STX1B: variants seen among roughly 807,000 people sequenced by gnomAD.
The protein encoded by STX1B is syntaxin 1B, also known as syntaxin-1B.
Under a neutral mutation model 39.4 loss-of-function variants are expected in STX1B, and 7 were observed. The ratio of observed to expected loss-of-function variants is 0.18; its 90% CI spans 0.10 to 0.33. The LOEUF (loss-of-function observed/expected upper bound fraction) is 0.33. STX1B is among the 10% of genes least tolerant of loss of function. STX1B has a pLI of 1.00. For missense variants in STX1B, 198 were observed against 383.2 expected (o/e 0.52, Z 4.04); for synonymous variants, 136 against 144.1 (o/e 0.94, Z 0.40).
chr16:31,008,942 C>A (rs551036694), intron 1 of STX1B, among the ~76,000 whole-genome samples: 1 of 152,122 alleles, frequency 6.6e-6, no homozygotes, highest in African/African-American at 2.4e-5. Context: ...AGTGAATATG[C>A]ATAAAACACT....
rs1168104974 is a variant in STX1B at position 30,990,947 on chromosome 16, C to G, written c.*1874G>C. The G allele has an allele frequency of 6.6e-6, 1 of 152,250 alleles. No homozygotes were observed. The highest frequency in any genetic ancestry group is 6.5e-5 in the Admixed American group (1 of 15,292). The allele number at this position is 152,250 out of a possible 1,614,324, so 9.4% of individuals were successfully genotyped here. A position where few individuals can be genotyped will look rare whatever the true frequency, so the allele number is the denominator to read the frequency against. ...CCCTGAGTGGCCACTGCCACACTGG[C>G]CACTCCAGTACTTCTGAAATAGACA... On this transcript the variant is annotated 3_prime_UTR_variant, in exon 10 of 10. Coordinates refer to ENST00000215095, the MANE Select transcript of STX1B (RefSeq NM_052874.5).
intron 1 of STX1B, among the ~76,000 whole-genome samples, chr16:31,006,218 C>T (rs2056654410): frequency 6.6e-6 from 1 of 152,088 alleles, no homozygotes; most frequent in Non-Finnish European, 1.5e-5. Flanking sequence ...GAGGCAGCAG[C>T]CTCCCCCTGC....
intron 1 of STX1B, among the ~76,000 whole-genome samples, chr16:31,007,418 C>CT (rs1441494120): frequency 1.3e-5 from 2 of 152,186 alleles, no homozygotes; most frequent in African/African-American, 4.8e-5. Context: ...TGTGCCCCTC[C>CT]TGTCTTCTCC....
chr16:30,995,146 A>C (rs1249822894), intron 7 of STX1B, among the ~76,000 whole-genome samples: 3 of 152,022 alleles, frequency 2.0e-5, no homozygotes, highest in Non-Finnish European at 4.4e-5. Context: ...AATCAAAAAA[A>C]CATTTTTTTT....
chr16:30,995,148 AT>A (rs1035428910), intron 7 of STX1B, among the ~76,000 whole-genome samples: 1 of 151,782 alleles, frequency 6.6e-6, no homozygotes, highest in African/African-American at 2.4e-5. Flanking sequence ...TCAAAAAAAC[AT>A]TTTTTTTGTA....
Position 31,000,949 on chromosome 16 carries a change from T to G in STX1B, c.259A>C (p.Lys87Gln). Reference sequence around the variant, plus strand: ...TCACCTTTCAATTTGGACCGAACCTTGTTGGCCGTCTTCTTGATGTCTGCA... The same window carrying G: ...TCACCTTTCAATTTGGACCGAACCTGGTTGGCCGTCTTCTTGATGTCTGCA... ...LTADIKKTAN[K>Q]VRSKLKAIEQ... The change falls in exon 4 of 10, where the codon AAG becomes CAG. Residue 87 changes from lysine (K) to glutamine (Q), a missense_variant. Lys to Gln is a moderately conservative substitution (Grantham distance 53, BLOSUM62 1). Coordinates refer to ENST00000215095, the MANE Select transcript of STX1B (RefSeq NM_052874.5). The G allele has an allele frequency of 6.2e-7, 1 of 1,614,130 alleles. No homozygotes were observed. The highest frequency in any genetic ancestry group is 8.5e-7 in the Non-Finnish European group (1 of 1,180,012).
chr16:31,000,424 C>T (rs2056620842), intron 4 of STX1B, among the ~76,000 whole-genome samples: 1 of 151,452 alleles, frequency 6.6e-6, no homozygotes, highest in African/African-American at 2.4e-5. Flanking sequence ...CCTCGACCCC[C>T]TGGGCTCAAG....
Position 30,996,342 on chromosome 16 carries a change from C to T in STX1B, c.537+341G>A, listed in dbSNP as rs2056591910. The stretch of plus-strand genomic sequence containing the variant: ...ACTAGACAGGATTCAAGTCCTGGCC[C>T]TCTCCCTCGCTCTGAGATCTTGCCA... On this transcript the variant is annotated intron_variant, in intron 7 of 9. Transcript: ENST00000215095. The T allele has an allele frequency of 1.3e-5, 3 of 233,426 alleles. No homozygotes were observed. The South Asian group carries it at 2.2e-4, about 17-fold the overall frequency. The allele number at this position is 233,426 out of a possible 1,614,324, so 14.5% of individuals were successfully genotyped here.
intron 4 of STX1B, among the ~76,000 whole-genome samples, chr16:30,999,862 A>G (rs4889606): frequency 0.35 from 53,797 of 152,030 alleles, 10,925 homozygotes; most frequent in East Asian, 0.89. Context: ...ATTTCCTATC[A>G]TATATCTTTC....
chr16:30,999,026 G>GA (rs963206788), intron 4 of STX1B, among the ~76,000 whole-genome samples: 29 of 151,866 alleles, frequency 1.9e-4, no homozygotes, highest in African/African-American at 5.5e-4. Context: ...TATGACTTTG[G>GA]AAAAAAAAGT....
In STX1B at chr16:30,991,900, T is replaced by G. The variant is rs1596713356; in HGVS notation, c.*921A>C. The G allele has an allele frequency of 6.6e-6, 1 of 151,220 alleles. No homozygotes were observed. Among genetic ancestry groups the G allele is most frequent in the South Asian group, 2.1e-4 (1 of 4,794 alleles). 9.4% of individuals were successfully genotyped at this position (151,220 alleles called of 1,614,324 possible). ...ACAAAAAACAAAAAACAAAAAAAAA[T>G]TAAAAAGCACACCATGTAGAGAGCC... On this transcript the variant is annotated 3_prime_UTR_variant, in exon 10 of 10. Coordinates refer to ENST00000215095, the MANE Select transcript of STX1B (RefSeq NM_052874.5).
At chr16:30,996,662 C>G (rs2056593842) in intron 7 of STX1B, 21 bp downstream of exon 7, 33 of 1,611,030 alleles carry the variant, frequency 2.0e-5, no homozygotes, top group Non-Finnish European at 2.7e-5. Context: ...AAAAGCAGAG[C>G]CCGCCCCACC....
At chr16:30,996,428 G>A (rs1406733533) in intron 7 of STX1B, 10 of 432,578 alleles carry the variant, frequency 2.3e-5, no homozygotes, top group Non-Finnish European at 3.7e-5. Flanking sequence ...CCTCGAAGGG[G>A]ATGTGTGAGT....
chr16:30,992,886 T>C lies in STX1B; in HGVS notation c.802A>G (p.Ile268Val), dbSNP rs1264252912. The C allele has an allele frequency of 1.2e-6, 2 of 1,613,612 alleles. No homozygotes were observed. Among genetic ancestry groups the C allele is most frequent in the South Asian group, 1.1e-5 (1 of 91,066 alleles). The change falls in exon 10 of 10, where the codon ATC becomes GTC. Residue 268 changes from isoleucine (I) to valine (V), a missense_variant. Transcript: ENST00000215095. ...ACCCCCAGCACCACACAGCAAATGA[T>C]GATCATGATTTTCTTCTGCAGCAGA... is the stretch of plus-strand genomic sequence containing the variant. ...SKARRKKIMI[I>V]ICCVVLGVVL...
intron 1 of STX1B, among the ~76,000 whole-genome samples, chr16:31,002,553 T>C (rs1203628250): frequency 6.6e-6 from 1 of 152,104 alleles, no homozygotes; most frequent in Non-Finnish European, 1.5e-5. Flanking sequence ...CTGAGGACAT[T>C]TGGGAGGGCT....
chr16:31,009,854 C>T lies in STX1B; in HGVS notation c.30+513G>A, dbSNP rs111494856. ...TCCCTGTCTCGGAGAGATGCCCCCT[C>T]CCTATAGGGAGTGACACACGCGTGT... On this transcript the variant is annotated intron_variant, in intron 1 of 9. Coordinates refer to ENST00000215095, the MANE Select transcript of STX1B (RefSeq NM_052874.5). Among the ~76,000 whole-genome samples the T allele has an allele frequency of 3.5e-3, 535 of 152,158 alleles. 13 individuals carry two copies. In the East Asian group the frequency reaches 0.035, roughly 10 times the overall value.
chr16:31,004,677 TAAAA>T (rs36004598), intron 1 of STX1B, among the ~76,000 whole-genome samples: 1 of 140,926 alleles, frequency 7.1e-6, no homozygotes, highest in Non-Finnish European at 1.5e-5. Flanking sequence ...CCCCGTTTCT[TAAAA>T]AAAAAAAAAA....
chr16:31,000,047 G>A (rs1347407200), intron 4 of STX1B, among the ~76,000 whole-genome samples: 8 of 151,462 alleles, frequency 5.3e-5, no homozygotes, highest in Non-Finnish European at 8.8e-5. Flanking sequence ...ACCCAGGCTG[G>A]AGTGCAGTGG....
chr16:30,994,421 CAAAAAAA>C (rs543652303), intron 7 of STX1B, among the ~76,000 whole-genome samples: 12 of 111,350 alleles, frequency 1.1e-4, no homozygotes, highest in African/African-American at 2.2e-4. Flanking sequence ...TTGTTTCTAT[CAAAAAAA>C]AAAAAAAAAA....
Sources: gnomAD v4.1 joint callset for allele counts (sites outside exome capture counted in the v4.1 genomes callset) on GRCh38, gnomAD v4.1.1 for gene constraint, MANE v1.5 for transcripts, NCBI Gene and HGNC (gene_info 2026-07-23, HGNC 2026-07-21) for gene names.